Variants in SGO2 observed in about 807,000 individuals in gnomAD.
SGO2 encodes the protein shugoshin-like 2.
A neutral mutation model predicts 99.5 loss-of-function variants in SGO2; 68 were observed. That is an observed-to-expected ratio of 0.68 (90% CI 0.56 to 0.84). The LOEUF (loss-of-function observed/expected upper bound fraction) is 0.84. Among genes scored for constraint, SGO2 ranks in the 40% least tolerant of loss-of-function variants. The pLI is 0.00. For missense variants in SGO2, 1,350 were observed against 1,436.7 expected, an observed-to-expected ratio of 0.94 and a Z score of 0.97; for synonymous variants, 457 against 487.1, an observed-to-expected ratio of 0.94 and a Z score of 0.81.
At position 200,572,377 on chromosome 2, in the gene SGO2, T is replaced by C. The variant is rs1447230857; in HGVS notation, c.2031T>C (p.Asn677=). Residue 677 remains asparagine (N), a synonymous_variant, in exon 7 of 9, where the codon AAT becomes AAC. Transcript: ENST00000357799. ...TCCCAGCTCTTTCTACTAGAGATAA[T>C]GAAAATCAATGTGACTATAGGACCC... ...LQIPALSTRD[N]ENQCDYRTQN... The C allele has an allele frequency of 6.2e-7, 1 of 1,613,140 alleles. No individual in the cohort carries two copies. Among genetic ancestry groups the C allele is most frequent in the Non-Finnish European group, 8.5e-7 (1 of 1,179,566 alleles).
Position 200,583,481 on chromosome 2 carries a change from C to A in SGO2, c.*17C>A. 6.3e-7 allele frequency: 1 copy of A among 1,577,344 alleles called. No homozygotes were observed. The highest frequency in any genetic ancestry group is 1.2e-5 in the South Asian group (1 of 81,702). ...AGAAGATGAAGTGAATTTATGGATT[C>A]TGGTTTTTCTGAATTTTCAAAGCAT... On this transcript the variant is annotated 3_prime_UTR_variant, in exon 9 of 9. Transcript: ENST00000357799.
chr2:200,557,793 CTTTT>C (rs2032776420), intron 5 of SGO2, among the ~76,000 whole-genome samples: 1 of 149,034 alleles, frequency 6.7e-6, no homozygotes, highest in Non-Finnish European at 1.5e-5. Context: ...TATAGCTTTT[CTTTT>C]ATTTGTTTGT....
At position 200,542,334 on chromosome 2, in the gene SGO2, A is replaced by G. The variant is rs16833715; in HGVS notation, c.388-245A>G. Among the ~76,000 whole-genome samples the G allele has an allele frequency of 2.6e-3, 399 of 152,330 alleles. 2 individuals are homozygous for G. The highest frequency in any genetic ancestry group is 0.01 in the Middle Eastern group (3 of 294). ...TTTGTGTAGGTATAGTCATGTATTT[A>G]TTCCTACACATAGAAGAATGTTGAG... is the stretch of plus-strand genomic sequence containing the variant. On this transcript the variant is annotated intron_variant, in intron 4 of 8. Transcript: ENST00000357799.
intron 1 of SGO2, among the ~76,000 whole-genome samples, chr2:200,529,919 G>A (rs1395466151): frequency 1.3e-5 from 2 of 152,238 alleles, no homozygotes; most frequent in African/African-American, 2.4e-5. Flanking sequence ...ATATCTGGAG[G>A]AAGATGTTTC....
Position 200,573,327 on chromosome 2 carries a change from CAAA to C in SGO2, c.2982_2984del (p.Lys995del). On this transcript the variant is annotated inframe_deletion, in exon 7 of 9. Coordinates refer to ENST00000357799, the MANE Select transcript of SGO2 (RefSeq NM_152524.6). ...CGTAAGAAAGAATCATCATGCAAGG[CAAA>C]GAACATTTTGACAAAAGCTAAGAAC... 6.2e-7 allele frequency: 1 copy of C among 1,604,984 alleles called. No homozygotes were observed. The highest frequency in any genetic ancestry group is 1.3e-5 in the African/African-American group (1 of 74,470).
At chr2:200,552,619 A>G (rs1315412210) in intron 5 of SGO2, among the ~76,000 whole-genome samples, 1 of 152,160 alleles carries the variant, frequency 6.6e-6, no homozygotes, top group Non-Finnish European at 1.5e-5. Flanking sequence ...TGACATTACC[A>G]TGGCATTTGT....
intron 5 of SGO2, among the ~76,000 whole-genome samples, chr2:200,544,306 G>A (rs2032103588): frequency 6.6e-6 from 1 of 152,186 alleles, no homozygotes; most frequent in Admixed American, 6.5e-5. Flanking sequence ...TTTTGAGACA[G>A]AGTCTTGCTC....
At chr2:200,534,159 C>T (rs1175634832) in intron 2 of SGO2, among the ~76,000 whole-genome samples, 4 of 152,134 alleles carry the variant, frequency 2.6e-5, no homozygotes, top group African/African-American at 7.2e-5. Flanking sequence ...ACTTATTTCA[C>T]ATACACTAGA....
At position 200,532,997 on chromosome 2, in the gene SGO2, A is replaced by G; in HGVS notation, c.22A>G (p.Thr8Ala). The change falls in exon 2 of 9, where the codon ACT becomes GCT. Residue 8 changes from threonine (T) to alanine (A), a missense_variant. Physicochemically the swap from Thr to Ala is moderately conservative, Grantham distance 58. Transcript: ENST00000357799. Reference protein sequence around the residue: MECPVMETGSLFTSGIKR... With the variant: MECPVMEAGSLFTSGIKR... ...AGTGATGGAGTGCCCAGTGATGGAA[A>G]CTGGCTCACTTTTTACCTCAGGAAT... The G allele has an allele frequency of 6.2e-7, 1 of 1,610,784 alleles. No homozygotes were observed. The highest frequency in any genetic ancestry group is 8.5e-7 in the Non-Finnish European group (1 of 1,179,154).
rs184755185 is a variant in SGO2 at position 200,546,072 on chromosome 2, T to C, written c.473+3408T>C. On this transcript the variant is annotated intron_variant, in intron 5 of 8. Transcript: ENST00000357799. ...CTAAACCCTTTGGGACCTCCCCCAT[T>C]TTGGGACAGGCAGTGGTCAACCATT... is the stretch of plus-strand genomic sequence containing the variant. 3.3e-5 allele frequency among the ~76,000 whole-genome samples: 5 copies of C among 152,000 alleles called. No individual in the cohort carries two copies. The East Asian group carries it at 9.7e-4, about 29-fold the overall frequency.
chr2:200,546,865 A>G (rs2032240103), intron 5 of SGO2, among the ~76,000 whole-genome samples: 2 of 152,152 alleles, frequency 1.3e-5, no homozygotes, highest in South Asian at 4.1e-4. Context: ...GAGTGCCTAC[A>G]AGATACAGAA....
rs2031632836 is a variant in SGO2 at position 200,535,190 on chromosome 2, T to G, written c.309+19T>G. 6.8e-7 allele frequency: 1 copy of G among 1,460,292 alleles called. No individual in the cohort carries two copies. Among genetic ancestry groups the G allele is most frequent in the African/African-American group, 1.5e-5 (1 of 67,486 alleles). 90.5% of individuals were successfully genotyped at this position (1,460,292 alleles called of 1,614,324 possible). ...TAACTTGGTATGTAAGCTATATTGT[T>G]TTTGAATTCTAATTATAACTTAAAT... On this transcript the variant is annotated intron_variant, in intron 3 of 8. Coordinates refer to ENST00000357799, the MANE Select transcript of SGO2 (RefSeq NM_152524.6).
chr2:200,573,650 A>T lies in SGO2; in HGVS notation c.3304A>T (p.Ser1102Cys), dbSNP rs1003172370. Residue 1102 changes from serine to cysteine, a missense_variant, in exon 7 of 9, where the codon AGC becomes TGC. Physicochemically the swap from Ser to Cys is moderately radical, Grantham distance 112 (BLOSUM62 -1). Coordinates refer to ENST00000357799, the MANE Select transcript of SGO2 (RefSeq NM_152524.6). ...SHEVMERILD[S>C]VQGKSTVSEQ... ...TGAAGTAATGGAAAGAATACTTGAC[A>T]GCGTTCAGGGAAAGTCTACTGTATC... 2.5e-6 allele frequency: 4 copies of T among 1,613,120 alleles called. No individual in the cohort carries two copies. In the Admixed American group the frequency reaches 5.0e-5, roughly 20 times the overall value.
intron 5 of SGO2, among the ~76,000 whole-genome samples, chr2:200,562,344 T>C (rs2033005620): frequency 6.6e-6 from 1 of 152,182 alleles, no homozygotes; most frequent in South Asian, 2.1e-4. Flanking sequence ...TTTTGTCAGG[T>C]TTGTCAAATA....
At position 200,573,600 on chromosome 2, in the gene SGO2, C is replaced by A. The variant is rs1470928834; in HGVS notation, c.3254C>A (p.Ser1085Tyr). Residue 1085 changes from serine (S) to tyrosine (Y), a missense_variant, in exon 7 of 9, where the codon TCC becomes TAC. Transcript: ENST00000357799. ...MTSKSKKRKT[S>Y]IDPSPESHEV... ...TCTAAGTCAAAGAAAAGGAAGACCT[C>A]CATAGATCCTTCTCCAGAGAGCCAT... The A allele has an allele frequency of 6.2e-7, 1 of 1,610,310 alleles. No individual in the cohort carries two copies. The highest frequency in any genetic ancestry group is 1.1e-5 in the South Asian group (1 of 89,988).
intron 5 of SGO2, among the ~76,000 whole-genome samples, chr2:200,566,669 T>A (rs961922709): frequency 2.0e-5 from 3 of 152,152 alleles, no homozygotes; most frequent in Non-Finnish European, 4.4e-5. Flanking sequence ...CCGCCAGAGG[T>A]GGAGTCTACA....
At chr2:200,539,314 T>C (rs1422991117) in intron 4 of SGO2, among the ~76,000 whole-genome samples, 1 of 152,138 alleles carries the variant, frequency 6.6e-6, no homozygotes, top group Non-Finnish European at 1.5e-5. Context: ...TTGACCAGAG[T>C]AGTCTGTCAT....
chr2:200,535,502 A>G (rs2031650852), intron 3 of SGO2, among the ~76,000 whole-genome samples: 1 of 152,146 alleles, frequency 6.6e-6, no homozygotes. Flanking sequence ...AAGGAAAGGA[A>G]TTCCCAGAAT....
chr2:200,533,175 T>C, intron 2 of SGO2, 67 bp downstream of exon 2: 1 of 1,445,356 alleles, frequency 6.9e-7, no homozygotes, highest in East Asian at 2.4e-5. Flanking sequence ...ATATATTTGC[T>C]ACCTTATTTT....
Sources: allele counts gnomAD v4.1 joint callset (sites outside exome capture counted in the v4.1 genomes callset), GRCh38; gene constraint gnomAD v4.1.1; transcripts MANE v1.5; gene names NCBI Gene and HGNC (gene_info 2026-07-23, HGNC 2026-07-21).